The following SGCZ variants were observed in gnomAD, a reference collection of about 807,000 sequenced individuals.
SGCZ encodes zeta-sarcoglycan.
A neutral mutation model predicts 41.3 loss-of-function variants in SGCZ; 40 were observed. The ratio of observed to expected loss-of-function variants is 0.97; its 90% confidence interval spans 0.75 to 1.26. The LOEUF (loss-of-function observed/expected upper bound fraction) is 1.26, where lower values mean the gene tolerates loss of function less well. Among genes scored for constraint, SGCZ ranks in the 50% most tolerant of loss-of-function variants. The pLI is 0.00. For missense variants in SGCZ, 552 were observed against 369.8 expected (o/e 1.49, Z -4.04); for synonymous variants, 206 against 137.5 (o/e 1.50, Z -3.49).
intron 4 of SGCZ, among the ~76,000 whole-genome samples, chr8:14,200,611 G>T (rs1425734028): frequency 6.6e-6 from 1 of 151,846 alleles, no homozygotes; most frequent in African/African-American, 2.4e-5. Flanking sequence ...GTGTTTTTTT[G>T]TTTGTTTGTT....
intron 5 of SGCZ, among the ~76,000 whole-genome samples, chr8:14,156,678 C>T (rs567392483): frequency 1.4e-4 from 22 of 152,226 alleles, no homozygotes; most frequent in Middle Eastern, 3.4e-3. Context: ...TTTCTTTATA[C>T]TCTTATTCTA....
rs567032570 is a variant in SGCZ at position 14,335,885 on chromosome 8, A to T, written c.235-11681T>A. On this transcript the variant is annotated intron_variant, in intron 2 of 7. Coordinates refer to ENST00000382080, the MANE Select transcript of SGCZ (RefSeq NM_139167.4). ...GCAGGTATACAACATCTCTTTACTCAATGTTAATTCCAAAATTTATTTTTA... is the reference window on the plus strand; with the variant it reads ...GCAGGTATACAACATCTCTTTACTCTATGTTAATTCCAAAATTTATTTTTA... 9.7e-4 allele frequency among the ~76,000 whole-genome samples: 148 copies of T among 152,144 alleles called. 2 individuals carry two copies. The highest frequency in any genetic ancestry group is 5.6e-3 in the South Asian group (27 of 4,820).
intron 1 of SGCZ, among the ~76,000 whole-genome samples, chr8:14,770,048 G>GT (rs955588417): frequency 6.0e-5 from 9 of 150,986 alleles, no homozygotes; most frequent in Admixed American, 5.9e-4. Flanking sequence ...GCACCAATTT[G>GT]TTTTTTCATT....
At chr8:14,316,032 A>C (rs1563252749) in intron 3 of SGCZ, among the ~76,000 whole-genome samples, 1 of 151,864 alleles carries the variant, frequency 6.6e-6, no homozygotes. Flanking sequence ...TTTCATACAA[A>C]AATTAGAAAA....
At chr8:14,406,874 C>G (rs2117264200) in intron 2 of SGCZ, among the ~76,000 whole-genome samples, 1 of 152,184 alleles carries the variant, frequency 6.6e-6, no homozygotes, top group East Asian at 1.9e-4. Context: ...AGGGTAGCCT[C>G]CTTTCGCAAG....
chr8:14,435,399 G>A (rs771216400), intron 2 of SGCZ, among the ~76,000 whole-genome samples: 6 of 152,076 alleles, frequency 3.9e-5, no homozygotes, highest in Non-Finnish European at 8.8e-5. Context: ...TGCAACTGAA[G>A]CAATAGTCAC....
chr8:14,729,839 G>T (rs1810175351), intron 1 of SGCZ, among the ~76,000 whole-genome samples: 1 of 152,160 alleles, frequency 6.6e-6, no homozygotes, highest in African/African-American at 2.4e-5. Flanking sequence ...AATCCTGGCA[G>T]TTTAGGAGGA....
At chr8:14,815,248 T>A (rs1801867454) in intron 1 of SGCZ, among the ~76,000 whole-genome samples, 2 of 152,086 alleles carry the variant, frequency 1.3e-5, no homozygotes, top group Admixed American at 6.6e-5. Flanking sequence ...ATTTTCTTTT[T>A]TTTTTTTGAA....
intron 1 of SGCZ, among the ~76,000 whole-genome samples, chr8:15,065,859 A>T (rs1585528244): frequency 6.6e-6 from 1 of 152,266 alleles, no homozygotes; most frequent in East Asian, 1.9e-4. Flanking sequence ...CCTTAATATG[A>T]AGTGCAGTAA....
At chr8:14,822,959 CAGG>C (rs942227470) in intron 1 of SGCZ, among the ~76,000 whole-genome samples, 52 of 149,594 alleles carry the variant, frequency 3.5e-4, no homozygotes, top group African/African-American at 1.2e-3. Flanking sequence ...CTGGCTGAGG[CAGG>C]AGAATTGCTG....
At chr8:14,518,056 G>A (rs1802677433) in intron 2 of SGCZ, among the ~76,000 whole-genome samples, 1 of 151,488 alleles carries the variant, frequency 6.6e-6, no homozygotes, top group East Asian at 1.9e-4. Context: ...AGTTTTTTAA[G>A]CAATAAGGTT....
intron 1 of SGCZ, among the ~76,000 whole-genome samples, chr8:14,867,429 T>C (rs1803972200): frequency 6.6e-6 from 1 of 152,144 alleles, no homozygotes; most frequent in African/African-American, 2.4e-5. Context: ...GCATGTATCT[T>C]TATAATAGAA....
intron 1 of SGCZ, among the ~76,000 whole-genome samples, chr8:15,119,046 A>G (rs1807380021): frequency 6.6e-6 from 1 of 152,184 alleles, no homozygotes; most frequent in Non-Finnish European, 1.5e-5. Context: ...TACACTATGC[A>G]ATAAATTACA....
At chr8:14,839,389 C>A (rs904766040) in intron 1 of SGCZ, among the ~76,000 whole-genome samples, 1 of 152,108 alleles carries the variant, frequency 6.6e-6, no homozygotes, top group African/African-American at 2.4e-5. Flanking sequence ...AGGAAATACT[C>A]ATGTTAAGAT....
In SGCZ at chr8:14,104,939, G is replaced by C. The variant is rs190751850; in HGVS notation, c.621-2440C>G. On this transcript the variant is annotated intron_variant, in intron 6 of 7. Coordinates refer to ENST00000382080, the MANE Select transcript of SGCZ (RefSeq NM_139167.4). ...CTTATTCAGTAGTTAATGGATCTCA[G>C]ATCCAAAAAAAATCTTTAGGAAATG... Among the ~76,000 whole-genome samples the C allele has an allele frequency of 6.1e-4, 93 of 152,024 alleles. 2 individuals carry two copies. Among genetic ancestry groups the C allele is most frequent in the African/African-American group, 2.1e-3 (88 of 41,502 alleles).
chr8:14,980,893 C>A (rs1801640797), intron 1 of SGCZ, among the ~76,000 whole-genome samples: 1 of 151,524 alleles, frequency 6.6e-6, no homozygotes, highest in South Asian at 2.1e-4. Context: ...CTTGTGCTAT[C>A]CATTCCCATC....
chr8:15,072,793 C>G (rs1805402318), intron 1 of SGCZ, among the ~76,000 whole-genome samples: 1 of 152,080 alleles, frequency 6.6e-6, no homozygotes, highest in South Asian at 2.1e-4. Flanking sequence ...GGAGATGATT[C>G]AAATCTCAGA....
chr8:15,083,990 A>AG (rs975873457), intron 1 of SGCZ, among the ~76,000 whole-genome samples: 3 of 152,076 alleles, frequency 2.0e-5, no homozygotes, highest in African/African-American at 7.3e-5. Flanking sequence ...CATTTTGCAA[A>AG]AAATTAATGT....
At chr8:15,037,098 C>A (rs929189862) in intron 1 of SGCZ, among the ~76,000 whole-genome samples, 1 of 152,006 alleles carries the variant, frequency 6.6e-6, no homozygotes, top group African/African-American at 2.4e-5. Context: ...TACCTGAGCA[C>A]GATAAAGGCT....
Sources: allele counts gnomAD v4.1 joint callset (sites outside exome capture counted in the v4.1 genomes callset), GRCh38; gene constraint gnomAD v4.1.1; transcripts MANE v1.5; gene names NCBI Gene and HGNC (gene_info 2026-07-23, HGNC 2026-07-21).